PTPRD: variants seen among roughly 807,000 people sequenced by gnomAD.
PTPRD encodes the protein protein tyrosine phosphatase receptor type D.
A neutral mutation model predicts 214.5 loss-of-function variants in PTPRD; 34 were observed. That is an observed-to-expected ratio of 0.16 (90% CI 0.12 to 0.21). The LOEUF (loss-of-function observed/expected upper bound fraction) is 0.21. Among genes scored for constraint, PTPRD ranks in the 10% least tolerant of loss-of-function variants. The probability of loss-of-function intolerance (pLI) is 1.00; values close to 1 mark genes in which losing one functional copy is unlikely to be tolerated. For synonymous variants in PTPRD, 1,128 were observed against 845.7 expected (o/e 1.33, Z -5.79); for missense variants, 2,545 against 2,398.7 (o/e 1.06, Z -1.27).
At chr9:9,970,168 G>A (rs2154043051) in intron 4 of PTPRD, among the ~76,000 whole-genome samples, 1 of 152,250 alleles carries the variant, frequency 6.6e-6, no homozygotes, top group African/African-American at 2.4e-5. Flanking sequence ...GTCATGAGGT[G>A]TCACAGACAT....
At chr9:8,369,232 C>T (rs1232464220) in intron 39 of PTPRD, among the ~76,000 whole-genome samples, 1 of 152,082 alleles carries the variant, frequency 6.6e-6, no homozygotes, top group Non-Finnish European at 1.5e-5. Flanking sequence ...CTCTTAGCTT[C>T]TTTGGATCAC....
chr9:8,486,027 G>T lies in PTPRD; in HGVS notation c.2790C>A (p.Thr930=), dbSNP rs1156504876. 2 of 1,613,996 alleles carry T rather than the reference G, an allele frequency of 1.2e-6. No individual in the cohort carries two copies. Among genetic ancestry groups the T allele is most frequent in the South Asian group, 1.1e-5 (1 of 91,082 alleles). The part of the protein sequence containing the change: ...GFPQNLHSEG[T]TSTSVQLSWQ... ...AAGATAACTGGACGGAGGTTGAAGT[G>T]GTGCCTTCTGAGTGAAGGTTTTGAG... is the stretch of plus-strand genomic sequence containing the variant. Residue 930 remains threonine (T), a synonymous_variant, in exon 28 of 46, where the codon ACC becomes ACA. Coordinates refer to ENST00000381196, the MANE Select transcript of PTPRD (RefSeq NM_002839.4).
intron 2 of PTPRD, among the ~76,000 whole-genome samples, chr9:10,476,966 G>C (rs1197533168): frequency 6.6e-5 from 10 of 151,788 alleles, no homozygotes; most frequent in Non-Finnish European, 1.5e-4. Context: ...CCCTTACTTA[G>C]ACGTTATAGA....
At chr9:9,832,693 G>A (rs1565607099) in intron 5 of PTPRD, among the ~76,000 whole-genome samples, 1 of 151,916 alleles carries the variant, frequency 6.6e-6, no homozygotes, top group African/African-American at 2.4e-5. Context: ...TAAATGCAAG[G>A]AAGACATAGA....
At chr9:9,804,781 G>A (rs1257368365) in intron 5 of PTPRD, among the ~76,000 whole-genome samples, 2 of 151,448 alleles carry the variant, frequency 1.3e-5, no homozygotes, top group African/African-American at 2.4e-5. Flanking sequence ...TATATAAAAT[G>A]TTTGATTATA....
At chr9:9,750,962 A>C (rs2098512180) in intron 6 of PTPRD, among the ~76,000 whole-genome samples, 1 of 152,098 alleles carries the variant, frequency 6.6e-6, no homozygotes, top group African/African-American at 2.4e-5. Context: ...ATTAAAGTGC[A>C]TTAAATCATC....
intron 3 of PTPRD, among the ~76,000 whole-genome samples, chr9:10,143,572 GA>G (rs34091015): frequency 2.6e-5 from 4 of 151,308 alleles, no homozygotes; most frequent in Non-Finnish European, 5.9e-5. Context: ...TATACATAAA[GA>G]AAAAAAATTG....
At chr9:10,118,701 G>A (rs894480797) in intron 3 of PTPRD, among the ~76,000 whole-genome samples, 2 of 151,296 alleles carry the variant, frequency 1.3e-5, no homozygotes, top group African/African-American at 2.4e-5. Context: ...ATGCATTCTT[G>A]GGTTAAATTA....
At chr9:8,977,375 C>G (rs547392954) in intron 11 of PTPRD, among the ~76,000 whole-genome samples, 14 of 152,224 alleles carry the variant, frequency 9.2e-5, no homozygotes, top group African/African-American at 3.4e-4. Context: ...ATTCTCCCCT[C>G]TATGATCTGG....
chr9:8,395,963 C>A (rs936130488), intron 36 of PTPRD, among the ~76,000 whole-genome samples: 4 of 152,014 alleles, frequency 2.6e-5, no homozygotes, highest in African/African-American at 9.7e-5. Flanking sequence ...AGACCTTAGG[C>A]CACTGAAGCT....
At chr9:9,444,649 C>T (rs965586569) in intron 8 of PTPRD, among the ~76,000 whole-genome samples, 2 of 152,124 alleles carry the variant, frequency 1.3e-5, no homozygotes, top group Non-Finnish European at 2.9e-5. Flanking sequence ...GACTTTCTGA[C>T]CCCAAGTTAG....
chr9:8,519,974 T>C (rs1447044426), intron 20 of PTPRD, among the ~76,000 whole-genome samples: 1 of 152,190 alleles, frequency 6.6e-6, no homozygotes, highest in African/African-American at 2.4e-5. Flanking sequence ...CTCAAAGAAC[T>C]ACAGAATGAT....
At chr9:8,634,367 T>C (rs1266305005) in intron 13 of PTPRD, among the ~76,000 whole-genome samples, 1 of 152,088 alleles carries the variant, frequency 6.6e-6, no homozygotes, top group African/African-American at 2.4e-5. Context: ...TCTCTTGTAT[T>C]TCACTGTGAA....
intron 3 of PTPRD, among the ~76,000 whole-genome samples, chr9:10,221,687 T>A (rs921083717): frequency 1.3e-5 from 2 of 151,990 alleles, no homozygotes; most frequent in African/African-American, 4.8e-5. Context: ...TAAGAAGCAT[T>A]AAGTACATCC....
At chr9:9,638,819 T>G (rs1251446681) in intron 7 of PTPRD, among the ~76,000 whole-genome samples, 35 of 152,100 alleles carry the variant, frequency 2.3e-4, no homozygotes, top group Admixed American at 2.3e-3. Flanking sequence ...GCAGATTTGG[T>G]GTCTGGTGAG....
intron 11 of PTPRD, among the ~76,000 whole-genome samples, chr9:8,956,630 G>T (rs533783905): frequency 2.0e-5 from 3 of 151,850 alleles, no homozygotes; most frequent in African/African-American, 7.2e-5. Context: ...TCAAGGATTG[G>T]AGCTATGTAA....
chr9:9,979,153 G>A (rs574407614), intron 4 of PTPRD, among the ~76,000 whole-genome samples: 25 of 152,038 alleles, frequency 1.6e-4, no homozygotes, highest in Middle Eastern at 3.4e-3. Flanking sequence ...CAGGCAGAAG[G>A]AATATGATAT....
intron 10 of PTPRD, among the ~76,000 whole-genome samples, chr9:9,093,917 T>C (rs1250899264): frequency 6.6e-6 from 1 of 151,638 alleles, no homozygotes; most frequent in African/African-American, 2.4e-5. Flanking sequence ...GATAAACTTC[T>C]AGCCAGAGTG....
At chr9:10,003,282 A>G (rs1214412320) in intron 4 of PTPRD, among the ~76,000 whole-genome samples, 1 of 151,812 alleles carries the variant, frequency 6.6e-6, no homozygotes, top group Non-Finnish European at 1.5e-5. Flanking sequence ...AGTGAGATAA[A>G]GGTTAGAAAG....
Sources: gnomAD v4.1 joint callset for allele counts (sites outside exome capture counted in the v4.1 genomes callset) on GRCh38, gnomAD v4.1.1 for gene constraint, MANE v1.5 for transcripts, NCBI Gene and HGNC (gene_info 2026-07-23, HGNC 2026-07-21) for gene names.